The following CREB5 variants were observed in gnomAD, a reference collection of about 807,000 sequenced individuals.
The protein encoded by CREB5 is cyclic AMP-responsive element-binding protein 5.
CREB5 carries 19 observed loss-of-function variants against 57.1 expected under a neutral mutation model. The observed-to-expected ratio is 0.33, with a 90% confidence interval of 0.23 to 0.49. CREB5 has a LOEUF of 0.49. Among genes scored for constraint, CREB5 ranks in the 20% least tolerant of loss-of-function variants. CREB5 has a pLI of 0.99. For synonymous variants in CREB5, 238 were observed against 238.3 expected (o/e 1.00, Z 0.01); for missense variants, 579 against 671.6 (o/e 0.86, Z 1.52).
chr7:28,666,059 A>C (rs1799811262), intron 5 of CREB5, among the ~76,000 whole-genome samples: 1 of 152,140 alleles, frequency 6.6e-6, no homozygotes, highest in Admixed American at 6.6e-5. Context: ...AAAAATAGTA[A>C]ACATTTTTAT....
intron 7 of CREB5, among the ~76,000 whole-genome samples, chr7:28,745,328 C>A (rs977955710): frequency 1.1e-4 from 16 of 152,158 alleles, no homozygotes; most frequent in African/African-American, 3.6e-4. Context: ...GCCACTGAAC[C>A]AGGAATAGAT....
intron 5 of CREB5, among the ~76,000 whole-genome samples, chr7:28,660,212 T>C (rs944819453): frequency 2.0e-5 from 3 of 152,122 alleles, no homozygotes; most frequent in African/African-American, 4.8e-5. Context: ...GTGTTTTTTA[T>C]GAAAAAAAAG....
At chr7:28,410,128 C>T (rs1216747201), upstream of CREB5, 1 of 383,818 alleles carries the variant, frequency 2.6e-6, no homozygotes, top group Non-Finnish European at 5.1e-6. Context: ...CCACCTCTCC[C>T]GCCGGGCTGC....
At chr7:28,565,975 T>A (rs1795456402) in intron 4 of CREB5, among the ~76,000 whole-genome samples, 1 of 152,200 alleles carries the variant, frequency 6.6e-6, no homozygotes, top group Non-Finnish European at 1.5e-5. Context: ...CTATGTCTAA[T>A]CTTGCAAATA....
chr7:28,739,567 AG>A (rs1804220131), intron 7 of CREB5, among the ~76,000 whole-genome samples: 1 of 152,264 alleles, frequency 6.6e-6, no homozygotes, highest in South Asian at 2.1e-4. Flanking sequence ...GCTTAAACAC[AG>A]TCTCAGCCTC....
chr7:28,572,447 G>A (rs1365386044), intron 5 of CREB5, among the ~76,000 whole-genome samples: 1 of 152,172 alleles, frequency 6.6e-6, no homozygotes, highest in East Asian at 1.9e-4. Context: ...AATCTCCAGG[G>A]ACTTCTCTCA....
chr7:28,669,988 C>G (rs1308070882), intron 5 of CREB5, among the ~76,000 whole-genome samples: 1 of 152,182 alleles, frequency 6.6e-6, no homozygotes, highest in Non-Finnish European at 1.5e-5. Flanking sequence ...CCCCTTTGAC[C>G]GTGTTCTCAT....
chr7:28,324,947 C>G (rs374077093), intron 1 of CREB5, among the ~76,000 whole-genome samples: 1 of 152,124 alleles, frequency 6.6e-6, no homozygotes, highest in African/African-American at 2.4e-5. Flanking sequence ...TTTTCTTTAC[C>G]TTTCTATGTC....
intron 4 of CREB5, among the ~76,000 whole-genome samples, chr7:28,535,724 A>G (rs1335116120): frequency 6.6e-6 from 1 of 152,156 alleles, no homozygotes; most frequent in African/African-American, 2.4e-5. Flanking sequence ...GGAGAAAAGA[A>G]GGAAGAAAGG....
intron 1 of CREB5, among the ~76,000 whole-genome samples, chr7:28,324,772 T>C (rs1353005623): frequency 6.6e-6 from 1 of 152,224 alleles, no homozygotes; most frequent in Non-Finnish European, 1.5e-5. Flanking sequence ...CATCTTCACG[T>C]GGATGTTTGC....
intron 1 of CREB5, among the ~76,000 whole-genome samples, chr7:28,318,218 C>T (rs747857334): frequency 5.9e-5 from 9 of 152,180 alleles, no homozygotes; most frequent in Non-Finnish European, 1.3e-4. Context: ...ATATTAAGCT[C>T]ATTCCCTCAG....
At chr7:28,507,968 C>T (rs1271866472) in intron 4 of CREB5, among the ~76,000 whole-genome samples, 2 of 152,114 alleles carry the variant, frequency 1.3e-5, no homozygotes, top group East Asian at 3.8e-4. Context: ...TCTCAATCAG[C>T]TGTTTTACTT....
At chr7:28,445,676 C>T (rs900043126) in intron 1 of CREB5, among the ~76,000 whole-genome samples, 20 of 152,132 alleles carry the variant, frequency 1.3e-4, no homozygotes, top group East Asian at 3.9e-4. Flanking sequence ...CTCAGCCTCC[C>T]GAGTAGCTGG....
chr7:28,658,963 A>ATATATATATATG (rs1799462033), intron 5 of CREB5, among the ~76,000 whole-genome samples: 1 of 117,220 alleles, frequency 8.5e-6, no homozygotes, highest in Non-Finnish European at 2.0e-5. Context: ...GTATATATAT[A>ATATATATATATG]TATATATATA....
At chr7:28,642,104 T>A (rs927581779) in intron 5 of CREB5, among the ~76,000 whole-genome samples, 5 of 152,244 alleles carry the variant, frequency 3.3e-5, no homozygotes, top group Non-Finnish European at 7.3e-5. Context: ...AGAGTCTCAT[T>A]GTTCTTTGTT....
intron 5 of CREB5, among the ~76,000 whole-genome samples, chr7:28,619,715 A>T (rs1362431368): frequency 2.6e-5 from 4 of 152,198 alleles, no homozygotes; most frequent in Non-Finnish European, 5.9e-5. Flanking sequence ...AAATAAAATA[A>T]GCCCACCTCT....
intron 7 of CREB5, among the ~76,000 whole-genome samples, chr7:28,748,322 A>T (rs1388687605): frequency 6.6e-6 from 1 of 152,216 alleles, no homozygotes; most frequent in African/African-American, 2.4e-5. Flanking sequence ...AGACAAGCAC[A>T]TATATGTGTA....
intron 5 of CREB5, among the ~76,000 whole-genome samples, chr7:28,612,686 T>C (rs1045359282): frequency 1.3e-5 from 2 of 151,886 alleles, no homozygotes. Flanking sequence ...GAGAATCTAA[T>C]GTATGCTATA....
chr7:28,422,991 G>T (rs1368855614), intron 1 of CREB5, among the ~76,000 whole-genome samples: 1 of 152,158 alleles, frequency 6.6e-6, no homozygotes, highest in East Asian at 1.9e-4. Flanking sequence ...AGTGGATGCA[G>T]AAACTAAGAA....
Sources: gnomAD v4.1 joint callset for allele counts (sites outside exome capture counted in the v4.1 genomes callset) on GRCh38, gnomAD v4.1.1 for gene constraint, MANE v1.5 for transcripts, NCBI Gene and HGNC (gene_info 2026-07-23, HGNC 2026-07-21) for gene names.